LRRC4C: variants seen among roughly 807,000 people sequenced by gnomAD.
LRRC4C encodes leucine-rich repeat-containing protein 4C.
LRRC4C carries 5 observed loss-of-function variants against 33.6 expected under a neutral mutation model. The ratio of observed to expected loss-of-function variants is 0.15; its 90% CI spans 0.08 to 0.31. The LOEUF (loss-of-function observed/expected upper bound fraction) is 0.31. Ranked by LOEUF, LRRC4C falls within the 10% of genes least tolerant of loss-of-function variation. LRRC4C has a pLI of 1.00. For missense variants in LRRC4C, 560 were observed against 796.7 expected, an observed-to-expected ratio of 0.70 and a Z score of 3.58; for synonymous variants, 329 against 302.0, an observed-to-expected ratio of 1.09 and a Z score of -0.93.
chr11:40,954,465 G>T (rs1042299591), intron 1 of LRRC4C, among the ~76,000 whole-genome samples: 1 of 151,832 alleles, frequency 6.6e-6, no homozygotes, highest in Non-Finnish European at 1.5e-5. Context: ...AACCTGTGCT[G>T]TCATTTATTC....
chr11:40,363,669 C>T (rs908637320), intron 3 of LRRC4C, among the ~76,000 whole-genome samples: 2 of 152,088 alleles, frequency 1.3e-5, no homozygotes, highest in African/African-American at 2.4e-5. Context: ...CCACCTTTTG[C>T]ATGTATTTCT....
intron 1 of LRRC4C, among the ~76,000 whole-genome samples, chr11:41,214,575 CAAAAAAAAAA>C (rs547167050): frequency 3.7e-4 from 13 of 34,758 alleles, no homozygotes; most frequent in Non-Finnish European, 4.8e-4. Context: ...ACTAAAAATA[CAAAAAAAAAA>C]AAAAAAAAAA....
chr11:41,078,989 T>A (rs575106654), intron 1 of LRRC4C, among the ~76,000 whole-genome samples: 1 of 152,326 alleles, frequency 6.6e-6, no homozygotes, highest in South Asian at 2.1e-4. Context: ...GAATTTTCTG[T>A]TTGTCATCCA....
intron 3 of LRRC4C, among the ~76,000 whole-genome samples, chr11:40,373,460 C>G (rs753194061): frequency 5.3e-5 from 8 of 151,274 alleles, no homozygotes; most frequent in Non-Finnish European, 1.0e-4. Context: ...ATTTTTTCCC[C>G]AAAATTAATA....
chr11:40,892,739 A>C (rs925703727), intron 2 of LRRC4C, among the ~76,000 whole-genome samples: 3 of 152,196 alleles, frequency 2.0e-5, no homozygotes, highest in African/African-American at 7.2e-5. Context: ...GAATAGGAAA[A>C]TATGTAAAGA....
chr11:40,986,822 T>C (rs1471560167), intron 1 of LRRC4C, among the ~76,000 whole-genome samples: 1 of 152,208 alleles, frequency 6.6e-6, no homozygotes, highest in Non-Finnish European at 1.5e-5. Context: ...GTGTATTTTA[T>C]GTGGAAATAT....
intron 2 of LRRC4C, among the ~76,000 whole-genome samples, chr11:40,911,692 C>T (rs558905323): frequency 1.6e-4 from 25 of 152,276 alleles, no homozygotes; most frequent in African/African-American, 3.1e-4. Context: ...CAAAGCTGGA[C>T]GGAGAATGAC....
At chr11:41,364,715 G>T (rs1050225170) in intron 1 of LRRC4C, among the ~76,000 whole-genome samples, 1 of 152,168 alleles carries the variant, frequency 6.6e-6, no homozygotes, top group Non-Finnish European at 1.5e-5. Flanking sequence ...TGCTCAAAAA[G>T]ATAAATTAAA....
intron 1 of LRRC4C, among the ~76,000 whole-genome samples, chr11:41,272,373 T>C (rs1591122104): frequency 6.6e-6 from 1 of 152,180 alleles, no homozygotes; most frequent in Non-Finnish European, 1.5e-5. Flanking sequence ...GCAGATCTCC[T>C]CTGGCTGCTA....
intron 1 of LRRC4C, among the ~76,000 whole-genome samples, chr11:41,183,766 C>G (rs1322687747): frequency 2.0e-5 from 3 of 152,172 alleles, no homozygotes; most frequent in Admixed American, 6.5e-5. Flanking sequence ...GGGGCTCTGA[C>G]CTCACATTTC....
chr11:40,140,204 A>G (rs552965484), intron 6 of LRRC4C, among the ~76,000 whole-genome samples: 1 of 152,328 alleles, frequency 6.6e-6, no homozygotes, highest in African/African-American at 2.4e-5. Context: ...TTACAATTTA[A>G]TGATGATACA....
intron 2 of LRRC4C, among the ~76,000 whole-genome samples, chr11:40,678,874 C>T (rs547338602): frequency 3.3e-5 from 5 of 152,020 alleles, no homozygotes; most frequent in African/African-American, 1.2e-4. Flanking sequence ...TAGGGGGGTG[C>T]TACAATAAAG....
At chr11:41,227,642 G>A (rs926515485) in intron 1 of LRRC4C, among the ~76,000 whole-genome samples, 7 of 152,182 alleles carry the variant, frequency 4.6e-5, no homozygotes, top group Middle Eastern at 3.4e-3. Flanking sequence ...TGGGACTATA[G>A]CCACGTGTCT....
intron 4 of LRRC4C, among the ~76,000 whole-genome samples, chr11:40,272,511 G>A (rs888043349): frequency 4.6e-5 from 7 of 151,970 alleles, no homozygotes; most frequent in Non-Finnish European, 1.0e-4. Context: ...AGAGATTCTT[G>A]AAAAATTACA....
intron 3 of LRRC4C, among the ~76,000 whole-genome samples, chr11:40,489,334 C>A (rs1954029259): frequency 6.6e-6 from 1 of 152,070 alleles, no homozygotes; most frequent in Non-Finnish European, 1.5e-5. Context: ...CTAACTCCAA[C>A]ACATTTTTCA....
intron 1 of LRRC4C, among the ~76,000 whole-genome samples, chr11:41,319,896 A>C (rs1361016799): frequency 1.3e-5 from 2 of 152,206 alleles, no homozygotes; most frequent in Non-Finnish European, 2.9e-5. Context: ...TTAAAGATAT[A>C]TGTTTAAATG....
At chr11:40,610,795 G>T (rs1187263367) in intron 3 of LRRC4C, among the ~76,000 whole-genome samples, 11 of 151,674 alleles carry the variant, frequency 7.3e-5, no homozygotes, top group Non-Finnish European at 1.5e-4. Flanking sequence ...ATAACAAAAT[G>T]CTTAGCATTG....
intron 2 of LRRC4C, among the ~76,000 whole-genome samples, chr11:40,917,536 A>G (rs1020391237): frequency 2.0e-5 from 3 of 152,124 alleles, no homozygotes; most frequent in Admixed American, 1.3e-4. Flanking sequence ...CATTTTGATA[A>G]CATTATAACA....
intron 1 of LRRC4C, among the ~76,000 whole-genome samples, chr11:41,076,043 T>A (rs1939128145): frequency 6.6e-6 from 1 of 152,164 alleles, no homozygotes; most frequent in Non-Finnish European, 1.5e-5. Context: ...CTGTATTAGC[T>A]TGAAGACCTA....
Sources: allele counts gnomAD v4.1 joint callset (sites outside exome capture counted in the v4.1 genomes callset), GRCh38; gene constraint gnomAD v4.1.1; transcripts MANE v1.5; gene names NCBI Gene and HGNC (gene_info 2026-07-23, HGNC 2026-07-21).